Variants in C1orf21 observed in about 807,000 individuals in gnomAD.
C1orf21 encodes the protein chromosome 1 open reading frame 21.
In C1orf21, 3 loss-of-function variants were observed where a neutral mutation model predicts 18.7. The ratio of observed to expected loss-of-function variants is 0.16; its 90% CI spans 0.07 to 0.42. The LOEUF is 0.42. Among genes scored for constraint, C1orf21 ranks in the 10% least tolerant of loss-of-function variants. The pLI, the probability that C1orf21 is intolerant of heterozygous loss-of-function variation, is 0.99. For missense variants in C1orf21, 104 were observed against 143.6 expected, an observed-to-expected ratio of 0.72 and a Z score of 1.41; for synonymous variants, 41 against 46.4, an observed-to-expected ratio of 0.88 and a Z score of 0.47.
At chr1:184,474,002 T>G (rs1415491214) in intron 1 of C1orf21, among the ~76,000 whole-genome samples, 4 of 152,248 alleles carry the variant, frequency 2.6e-5, no homozygotes, top group Non-Finnish European at 2.9e-5. Flanking sequence ...ATTGGACAAG[T>G]GTTTATGTGC....
At chr1:184,418,404 G>A (rs1281668812) in intron 1 of C1orf21, among the ~76,000 whole-genome samples, 1 of 152,128 alleles carries the variant, frequency 6.6e-6, no homozygotes, top group Non-Finnish European at 1.5e-5. Context: ...TGTAGAGATA[G>A]GGTTTCACCA....
At chr1:184,488,945 A>G (rs971291062) in intron 2 of C1orf21, among the ~76,000 whole-genome samples, 3 of 152,144 alleles carry the variant, frequency 2.0e-5, no homozygotes, top group Non-Finnish European at 4.4e-5. Flanking sequence ...AGCCTGGGCG[A>G]CAGAGCGAGA....
chr1:184,399,555 A>G (rs1027137135), intron 1 of C1orf21, among the ~76,000 whole-genome samples: 1 of 151,742 alleles, frequency 6.6e-6, no homozygotes, highest in Non-Finnish European at 1.5e-5. Context: ...GGTTTTTGCC[A>G]TGTTGCCCAG....
At chr1:184,467,007 C>T (rs1254758439) in intron 1 of C1orf21, among the ~76,000 whole-genome samples, 2 of 152,116 alleles carry the variant, frequency 1.3e-5, no homozygotes, top group Non-Finnish European at 2.9e-5. Context: ...CATATTACTC[C>T]TTTTCTGTCT....
At chr1:184,481,514 C>A (rs1245630156) in intron 2 of C1orf21, among the ~76,000 whole-genome samples, 1 of 152,136 alleles carries the variant, frequency 6.6e-6, no homozygotes, top group Non-Finnish European at 1.5e-5. Context: ...GACCACAGTG[C>A]ATTTACAGCA....
chr1:184,399,665 C>T (rs937874167), intron 1 of C1orf21, among the ~76,000 whole-genome samples: 1 of 152,140 alleles, frequency 6.6e-6, no homozygotes, highest in South Asian at 2.1e-4. Context: ...ATGTTAGGTA[C>T]TTCCTATTAC....
At chr1:184,597,769 A>G (rs1232596698) in intron 4 of C1orf21, among the ~76,000 whole-genome samples, 1 of 152,202 alleles carries the variant, frequency 6.6e-6, no homozygotes, top group Admixed American at 6.5e-5. Flanking sequence ...TCTCACTAAG[A>G]AGGCTGTTAA....
intron 5 of C1orf21, among the ~76,000 whole-genome samples, chr1:184,613,485 C>T (rs976361212): frequency 6.6e-6 from 1 of 152,196 alleles, no homozygotes; most frequent in African/African-American, 2.4e-5. Context: ...GTAACAGGGC[C>T]TATGCCCTAT....
intron 1 of C1orf21, among the ~76,000 whole-genome samples, chr1:184,446,771 T>C (rs143850244): frequency 2.0e-5 from 3 of 150,210 alleles, no homozygotes; most frequent in East Asian, 3.9e-4. Flanking sequence ...TGAACACTAA[T>C]CAGATATTTG....
chr1:184,544,823 G>T (rs1228177539), intron 3 of C1orf21, among the ~76,000 whole-genome samples: 1 of 152,132 alleles, frequency 6.6e-6, no homozygotes, highest in Non-Finnish European at 1.5e-5. Flanking sequence ...AAGCTCAAGT[G>T]GGGCAGGGGA....
intron 1 of C1orf21, among the ~76,000 whole-genome samples, chr1:184,390,953 G>A (rs555821208): frequency 6.6e-6 from 1 of 152,158 alleles, no homozygotes; most frequent in Non-Finnish European, 1.5e-5. Context: ...AAGAAAGATT[G>A]CGACAGTGAA....
chr1:184,592,270 TGAA>T (rs1659450000), intron 4 of C1orf21: 1 of 152,130 alleles, frequency 6.6e-6, no homozygotes, highest in South Asian at 2.1e-4. Flanking sequence ...AAAATTAACT[TGAA>T]GAAAAAGATT....
intron 1 of C1orf21, among the ~76,000 whole-genome samples, chr1:184,391,385 T>A (rs1460946725): frequency 3.3e-5 from 5 of 152,216 alleles, no homozygotes; most frequent in African/African-American, 1.2e-4. Context: ...AAATGGAAGC[T>A]GAGAAGACTA....
chr1:184,504,151 A>C (rs1043361133), intron 2 of C1orf21, among the ~76,000 whole-genome samples: 1 of 152,316 alleles, frequency 6.6e-6, no homozygotes, highest in African/African-American at 2.4e-5. Context: ...TATTTTGACT[A>C]GCACAGCCTG....
At chr1:184,525,665 A>C (rs1162998846) in intron 3 of C1orf21, among the ~76,000 whole-genome samples, 1 of 152,180 alleles carries the variant, frequency 6.6e-6, no homozygotes, top group Non-Finnish European at 1.5e-5. Flanking sequence ...TATTTTTAAA[A>C]TTCTTTTCTA....
chr1:184,548,409 CTTTTTTTT>C (rs35619860), intron 3 of C1orf21, among the ~76,000 whole-genome samples: 5 of 117,830 alleles, frequency 4.2e-5, no homozygotes, highest in African/African-American at 1.6e-4. Flanking sequence ...ATTGCAGACT[CTTTTTTTT>C]TTTTTTTTTT....
At chr1:184,481,098 T>C (rs1055747047) in intron 2 of C1orf21, among the ~76,000 whole-genome samples, 2 of 151,930 alleles carry the variant, frequency 1.3e-5, no homozygotes, top group Non-Finnish European at 2.9e-5. Flanking sequence ...AAGGTTATGA[T>C]TGCATTTCTG....
intron 1 of C1orf21, among the ~76,000 whole-genome samples, chr1:184,470,101 T>C (rs1387017434): frequency 6.6e-6 from 1 of 152,176 alleles, no homozygotes; most frequent in Non-Finnish European, 1.5e-5. Flanking sequence ...TTTTTAAAAG[T>C]CTCTCCCTTT....
chr1:184,579,204 ATT>A (rs71101937), intron 3 of C1orf21, among the ~76,000 whole-genome samples: 64,490 of 136,606 alleles, frequency 0.47, 15,363 homozygotes, highest in African/African-American at 0.59. Context: ...TGCCTGGCTA[ATT>A]TTTTTTTTTT....
Sources: allele counts gnomAD v4.1 joint callset (sites outside exome capture counted in the v4.1 genomes callset), GRCh38; gene constraint gnomAD v4.1.1; transcripts MANE v1.5; gene names NCBI Gene and HGNC (gene_info 2026-07-23, HGNC 2026-07-21).